Variants in CAMP observed in about 807,000 individuals in gnomAD.
CAMP encodes 18 kDa cationic antimicrobial protein.
Under a neutral mutation model 12.7 loss-of-function variants are expected in CAMP, and 10 were observed. That is an observed-to-expected ratio of 0.79 (90% CI 0.49 to 1.34). The LOEUF is 1.34. Ranked by LOEUF, CAMP falls within the 40% of genes most tolerant of loss-of-function variation. The pLI is 0.00. For synonymous variants in CAMP, 87 were observed against 85.2 expected, an observed-to-expected ratio of 1.02 and a Z score of -0.12; for missense variants, 205 against 213.0, an observed-to-expected ratio of 0.96 and a Z score of 0.23.
At position 48,224,437 on chromosome 3, in the gene CAMP, G is replaced by A. The variant is rs373554321; in HGVS notation, c.285G>A (p.Glu95=). The part of the protein sequence containing the change: ...VCPRTTQQSP[E]DCDFKKDGLV... The stretch of plus-strand genomic sequence containing the variant: ...CCAGGACGACACAGCAGTCACCAGA[G>A]GATTGTGACTTCAAGAAGGACGGGG... Residue 95 remains glutamate, a synonymous_variant, in exon 2 of 4, where the codon GAG becomes GAA. Coordinates refer to ENST00000652295, the MANE Select transcript of CAMP (RefSeq NM_004345.5). 2 of 1,612,724 alleles carry A rather than the reference G, an allele frequency of 1.2e-6. No individual in the cohort carries two copies. The highest frequency in any genetic ancestry group is 1.7e-6 in the Non-Finnish European group (2 of 1,178,804).
rs774934426 is a variant in CAMP at position 48,224,719 on chromosome 3, G to A, written c.381+45G>A. 1.6e-5 allele frequency: 22 copies of A among 1,393,300 alleles called. No homozygotes were observed. The South Asian group carries it at 2.3e-4, about 15-fold the overall frequency. 86.3% of individuals were successfully genotyped at this position (1,393,300 alleles called of 1,614,324 possible). On this transcript the variant is annotated intron_variant, in intron 3 of 3. Transcript: ENST00000652295. ...ATGCAGGGGCTGATGGGGGCATAGA[G>A]TGTGGACCATCCAATGGGTCAATTA... is the stretch of plus-strand genomic sequence containing the variant.
At position 48,224,351 on chromosome 3, in the gene CAMP, T is replaced by G; in HGVS notation, c.202-3T>G. 6.2e-7 allele frequency: 1 copy of G among 1,602,280 alleles called. No individual in the cohort carries two copies. The highest frequency in any genetic ancestry group is 1.1e-5 in the South Asian group (1 of 90,824). Reference sequence around the variant, plus strand: ...GGGCCTCCCCATTTCCTCCTCTGACTAGGATGGGGACCCAGACACGCCAAA... The same window carrying G: ...GGGCCTCCCCATTTCCTCCTCTGACGAGGATGGGGACCCAGACACGCCAAA... On this transcript the variant is annotated splice_region_variant and splice_polypyrimidine_tract_variant and intron_variant, in intron 1 of 3. Transcript: ENST00000652295.
In CAMP at chr3:48,223,506, G is replaced by C; in HGVS notation, c.-6G>C. On this transcript the variant is annotated 5_prime_UTR_variant, in exon 1 of 4. Coordinates refer to ENST00000652295, the MANE Select transcript of CAMP (RefSeq NM_004345.5). ...TGTGGGCTAGAGGGAGGCAGACATGGGGACCATGAAGACCCAAAGGGATGG... is the reference window on the plus strand; with the variant it reads ...TGTGGGCTAGAGGGAGGCAGACATGCGGACCATGAAGACCCAAAGGGATGG... The C allele has an allele frequency of 6.3e-7, 1 of 1,581,000 alleles. No homozygotes were observed. Among genetic ancestry groups the C allele is most frequent in the South Asian group, 1.1e-5 (1 of 87,266 alleles).
Position 48,223,517 on chromosome 3 carries a change from G to A in CAMP, c.6G>A (p.Lys2=), listed in dbSNP as rs748969101. The A allele has an allele frequency of 6.3e-7, 1 of 1,592,128 alleles. No homozygotes were observed. The highest frequency in any genetic ancestry group is 8.6e-7 in the Non-Finnish European group (1 of 1,169,494). The change falls in exon 1 of 4, where the codon AAG becomes AAA. Residue 2 remains lysine, a synonymous_variant. Coordinates refer to ENST00000652295, the MANE Select transcript of CAMP (RefSeq NM_004345.5). M[K]TQRDGHSLGR... is the part of the protein sequence containing the mutation. ...GGGAGGCAGACATGGGGACCATGAA[G>A]ACCCAAAGGGATGGCCACTCCCTGG... is the stretch of plus-strand genomic sequence containing the variant.
intron 1 of CAMP, 69 bp downstream of exon 1, chr3:48,223,781 C>T (rs984581078): frequency 1.1e-5 from 13 of 1,163,204 alleles, no homozygotes; most frequent in Non-Finnish European, 1.4e-5. Flanking sequence ...TCTGCTCCTG[C>T]TGCACTGCCT....
chr3:48,223,765 G>A, intron 1 of CAMP, 53 bp downstream of exon 1: 4 of 1,398,358 alleles, frequency 2.9e-6, no homozygotes, highest in Non-Finnish European at 4.0e-6. Context: ...GCCACGTGTT[G>A]TTCCTTCTGC....
At position 48,223,598 on chromosome 3, in the gene CAMP, T is replaced by C; in HGVS notation, c.87T>C (p.Ile29=). 6.2e-7 allele frequency: 1 copy of C among 1,614,044 alleles called. No individual in the cohort carries two copies. The highest frequency in any genetic ancestry group is 8.5e-7 in the Non-Finnish European group (1 of 1,179,936). Residue 29 remains isoleucine (I), a synonymous_variant, in exon 1 of 4, where the codon ATT becomes ATC. Coordinates refer to ENST00000652295, the MANE Select transcript of CAMP (RefSeq NM_004345.5). Reference sequence around the variant, plus strand: ...GCCTGGTGATGCCTCTGGCCATCATTGCCCAGGTCCTCAGCTACAAGGAAG... The same window carrying C: ...GCCTGGTGATGCCTCTGGCCATCATCGCCCAGGTCCTCAGCTACAAGGAAG... ...LLGLVMPLAI[I]AQVLSYKEAV...
chr3:48,225,213 G>C (rs1253526268), intron 3 of CAMP, 80 bp from the exon 4 acceptor site: 5 of 1,452,722 alleles, frequency 3.4e-6, no homozygotes, highest in Non-Finnish European at 4.8e-6. Flanking sequence ...GAAGAGGGGC[G>C]TCTAGGTGGG....
rs377734000 is a variant in CAMP at position 48,224,667 on chromosome 3, G to A, written c.374G>A (p.Cys125Tyr). Residue 125 changes from cysteine to tyrosine, a missense_variant, in exon 3 of 4, where the codon TGT becomes TAT. Physicochemically the swap from Cys to Tyr is radical, Grantham distance 194. Coordinates refer to ENST00000652295, the MANE Select transcript of CAMP (RefSeq NM_004345.5). ...GCCAGGGGCTCCTTTGACATCAGTT[G>A]TGATAAGGTGAGTGGGCTGTTCTGG... is the stretch of plus-strand genomic sequence containing the variant. ...NQARGSFDIS[C>Y]DKDNKRFALL... 1.9e-5 allele frequency: 30 copies of A among 1,612,424 alleles called. No homozygotes were observed. In the East Asian group the frequency reaches 2.7e-4, roughly 14 times the overall value.
Position 48,223,545 on chromosome 3 carries a change from C to T in CAMP, c.34C>T (p.Arg12Trp), listed in dbSNP as rs372010848. The T allele has an allele frequency of 4.4e-6, 7 of 1,608,168 alleles. No individual in the cohort carries two copies. Among genetic ancestry groups the T allele is most frequent in the Non-Finnish European group, 3.4e-6 (4 of 1,177,554 alleles). Residue 12 changes from arginine to tryptophan, a missense_variant, in exon 1 of 4, where the codon CGG becomes TGG. Coordinates refer to ENST00000652295, the MANE Select transcript of CAMP (RefSeq NM_004345.5). The stretch of plus-strand genomic sequence containing the variant: ...CCAAAGGGATGGCCACTCCCTGGGG[C>T]GGTGGTCACTGGTGCTCCTGCTGCT... ...KTQRDGHSLG[R>W]WSLVLLLLGL...
intron 1 of CAMP, 45 bp from the exon 2 acceptor site, chr3:48,224,309 T>C: frequency 7.4e-7 from 1 of 1,353,808 alleles, no homozygotes; most frequent in Non-Finnish European, 1.1e-6. Context: ...TGGACACAAA[T>C]CAGAAAATAC....
At chr3:48,223,984 G>A (rs1029067688) in intron 1 of CAMP, among the ~76,000 whole-genome samples, 26 of 152,096 alleles carry the variant, frequency 1.7e-4, no homozygotes, top group African/African-American at 5.8e-4. Flanking sequence ...CATTGGCTCT[G>A]GGCAGTGACC....
chr3:48,223,797 G>T (rs1404867837), intron 1 of CAMP, 85 bp downstream of exon 1: 4 of 1,004,556 alleles, frequency 4.0e-6, no homozygotes, highest in Non-Finnish European at 6.1e-6. Flanking sequence ...TGCCTGCCAG[G>T]AGGGCATCTC....
intron 3 of CAMP, among the ~76,000 whole-genome samples, chr3:48,225,054 G>A (rs1459356910): frequency 6.6e-6 from 1 of 152,162 alleles, no homozygotes; most frequent in Non-Finnish European, 1.5e-5. Flanking sequence ...CAGTGTTGCT[G>A]GGCTGGGCTG....
Position 48,224,606 on chromosome 3 carries a change from G to A in CAMP, c.313G>A (p.Val105Met). The stretch of plus-strand genomic sequence containing the variant: ...ACCTTGAGCTTCTCCTTTCCAGCTG[G>A]TGAAGCGGTGTATGGGGACAGTGAC... ...EDCDFKKDGL[V>M]KRCMGTVTLN... Residue 105 changes from valine (V) to methionine (M), a missense_variant, in exon 3 of 4, where the codon GTG becomes ATG. Transcript: ENST00000652295. The A allele has an allele frequency of 6.2e-7, 1 of 1,613,522 alleles. No homozygotes were observed. The highest frequency in any genetic ancestry group is 1.1e-5 in the South Asian group (1 of 91,038).
At chr3:48,224,511 CA>C in intron 2 of CAMP, 50 bp downstream of exon 2, 4 of 1,523,710 alleles carry the variant, frequency 2.6e-6, no homozygotes, top group Non-Finnish European at 3.6e-6. Flanking sequence ...AGGAGCTGAA[CA>C]GGGGGCACCT....
rs1264870801 is a variant in CAMP at position 48,224,654 on chromosome 3, T to C, written c.361T>C (p.Phe121Leu). Reference sequence around the variant, plus strand: ...GACCCTCAACCAGGCCAGGGGCTCCTTTGACATCAGTTGTGATAAGGTGAG... The same window carrying C: ...GACCCTCAACCAGGCCAGGGGCTCCCTTGACATCAGTTGTGATAAGGTGAG... Reference protein sequence around the residue: ...TVTLNQARGSFDISCDKDNKR... With the variant: ...TVTLNQARGSLDISCDKDNKR... Residue 121 changes from phenylalanine to leucine, a missense_variant, in exon 3 of 4, where the codon TTT becomes CTT. Coordinates refer to ENST00000652295, the MANE Select transcript of CAMP (RefSeq NM_004345.5). The C allele has an allele frequency of 6.2e-7, 1 of 1,613,388 alleles. No individual in the cohort carries two copies. The highest frequency in any genetic ancestry group is 1.3e-5 in the African/African-American group (1 of 74,866).
chr3:48,224,279 C>A, intron 1 of CAMP, 75 bp from the exon 2 acceptor site: 2 of 983,936 alleles, frequency 2.0e-6, no homozygotes, highest in South Asian at 1.3e-5. Context: ...GGAAAGCCTG[C>A]CCTCTTGGTG....
chr3:48,223,871 C>T (rs1167110899), intron 1 of CAMP, among the ~76,000 whole-genome samples, 159 bp downstream of exon 1: 6 of 152,154 alleles, frequency 3.9e-5, no homozygotes, highest in African/African-American at 7.2e-5. Flanking sequence ...CCTCCCAGCT[C>T]GAGAGCTTCC....
Sources: gnomAD v4.1 joint callset for allele counts (sites outside exome capture counted in the v4.1 genomes callset) on GRCh38, gnomAD v4.1.1 for gene constraint, MANE v1.5 for transcripts, NCBI Gene and HGNC (gene_info 2026-07-23, HGNC 2026-07-21) for gene names.